The following ABCC5 variants were observed in gnomAD, a reference collection of about 807,000 sequenced individuals.
ABCC5 encodes the protein ATP-binding cassette sub-family C member 5.
In ABCC5, 61 loss-of-function variants were observed where a neutral mutation model predicts 160.9. That is an observed-to-expected ratio of 0.38 (90% CI 0.31 to 0.47). ABCC5 has a LOEUF of 0.47. Among genes scored for constraint, ABCC5 ranks in the 20% least tolerant of loss-of-function variants. ABCC5 has a pLI of 0.99. For synonymous variants in ABCC5, 666 were observed against 700.6 expected (o/e 0.95, Z 0.78); for missense variants, 1,308 against 1,813.3 (o/e 0.72, Z 5.06).
At chr3:183,926,579 G>A (rs563028354) in intron 28 of ABCC5, among the ~76,000 whole-genome samples, 2 of 151,994 alleles carry the variant, frequency 1.3e-5, no homozygotes, top group Admixed American at 6.5e-5. Flanking sequence ...ACAAAACCAC[G>A]GATTTAATCA....
At chr3:183,989,541 G>C (rs1427609675) in intron 2 of ABCC5, among the ~76,000 whole-genome samples, 158 bp from the exon 3 acceptor site, 1 of 151,572 alleles carries the variant, frequency 6.6e-6, no homozygotes, top group Non-Finnish European at 1.5e-5. Context: ...TGTATGATTT[G>C]AACCCATTGG....
chr3:183,967,117 C>T (rs915783097), intron 12 of ABCC5, among the ~76,000 whole-genome samples: 2 of 151,820 alleles, frequency 1.3e-5, no homozygotes, highest in African/African-American at 2.4e-5. Flanking sequence ...CACTGGCCAC[C>T]GTGTGCTGGG....
rs545167336 is a variant in ABCC5 at position 183,926,142 on chromosome 3, G to GTTTT, written c.4048-427_4048-424dup. On this transcript the variant is annotated intron_variant, in intron 28 of 29. Coordinates refer to ENST00000334444, the MANE Select transcript of ABCC5 (RefSeq NM_005688.4). ...CTTGAGCCACCGTGCCCAGCCTATT[G>GTTTT]TTTTTTTTTTTTTTTTCTAAGAAAG... Among the ~76,000 whole-genome samples the GTTTT allele has an allele frequency of 8.4e-4, 111 of 132,030 alleles. 2 individuals carry two copies. Among genetic ancestry groups the GTTTT allele is most frequent in the East Asian group, 2.9e-3 (13 of 4,426 alleles). 86.6% of individuals were successfully genotyped at this position (132,030 alleles called of 152,430 possible).
intron 2 of ABCC5, among the ~76,000 whole-genome samples, chr3:184,005,647 G>T (rs1202466867): frequency 1.5e-5 from 2 of 135,278 alleles, no homozygotes; most frequent in East Asian, 2.6e-4. Flanking sequence ...ACAGGGAGGG[G>T]GGAGGGATAG....
At chr3:183,980,643 T>C (rs747727896) in intron 8 of ABCC5, among the ~76,000 whole-genome samples, 2 of 152,134 alleles carry the variant, frequency 1.3e-5, no homozygotes, top group African/African-American at 2.4e-5. Flanking sequence ...GATTCCAGAA[T>C]TGGACATCAT....
chr3:184,012,177 T>C (rs1184930264), intron 2 of ABCC5, among the ~76,000 whole-genome samples: 1 of 152,166 alleles, frequency 6.6e-6, no homozygotes, highest in African/African-American at 2.4e-5. Context: ...ATGAAGAATA[T>C]ATAGGATCTC....
At position 183,988,697 on chromosome 3, in the gene ABCC5, A is replaced by T. The variant is rs1719451342; in HGVS notation, c.318T>A (p.Leu106=). The T allele has an allele frequency of 6.2e-7, 1 of 1,614,094 alleles. No individual in the cohort carries two copies. The stretch of plus-strand genomic sequence containing the variant: ...GCCACGAAAAAGTCATACAGGAAAA[A>T]AGCCCAGCATTGTCCACTGGGTGCT... ...KHQHPVDNAG[L]FSCMTFSWLS... Residue 106 remains leucine, a synonymous_variant, in exon 4 of 30, where the codon CTT becomes CTA. Coordinates refer to ENST00000334444, the MANE Select transcript of ABCC5 (RefSeq NM_005688.4). This position sits in a 1 kb window ranked among gnomAD's most constrained non-coding sequence, Gnocchi z 4.4.
intron 20 of ABCC5, among the ~76,000 whole-genome samples, chr3:183,950,349 C>T (rs536888802): frequency 9.2e-5 from 14 of 152,040 alleles, no homozygotes; most frequent in African/African-American, 3.4e-4. Flanking sequence ...TCCCTTCCTG[C>T]CCCACTGCTT....
chr3:183,998,600 G>A (rs145604974), intron 2 of ABCC5, among the ~76,000 whole-genome samples: 45 of 152,186 alleles, frequency 3.0e-4, no homozygotes, highest in African/African-American at 9.6e-4. Context: ...GAGGCACACC[G>A]ATGTTAGGTC....
At chr3:183,977,757 A>ATTTT in intron 9 of ABCC5, 133 bp from the exon 10 acceptor site, 2 of 490,440 alleles carry the variant, frequency 4.1e-6, no homozygotes, top group Admixed American at 3.6e-5. Flanking sequence ...AGTCAATTAC[A>ATTTT]TTTTTTTTTT....
intron 2 of ABCC5, among the ~76,000 whole-genome samples, chr3:184,012,328 G>A (rs1879259): frequency 0.063 from 9,490 of 151,686 alleles, 1,043 homozygotes; most frequent in African/African-American, 0.22. Flanking sequence ...AATTTCACCC[G>A]ACCTATAATC....
chr3:183,948,828 G>A (rs1199888751), intron 22 of ABCC5, among the ~76,000 whole-genome samples: 2 of 152,162 alleles, frequency 1.3e-5, no homozygotes, highest in East Asian at 3.9e-4. Context: ...TCAGCCTCCT[G>A]AGTAGCTGGA....
intron 28 of ABCC5, 39 bp from the exon 29 acceptor site, chr3:183,925,758 T>G: frequency 6.3e-7 from 1 of 1,595,348 alleles, no homozygotes; most frequent in Non-Finnish European, 8.5e-7. Flanking sequence ...TCGATTAAAT[T>G]CCTTTAGCAT....
rs990700532 is a variant in ABCC5 at position 183,949,523 on chromosome 3, C to T, written c.3227+230G>A. The stretch of plus-strand genomic sequence containing the variant: ...CCTCCTGAGTAGCTGTGACTATAGG[C>T]ACGTGATGCCGCATGCGGCCCAAAT... On this transcript the variant is annotated intron_variant, in intron 22 of 29. Coordinates refer to ENST00000334444, the MANE Select transcript of ABCC5 (RefSeq NM_005688.4). The surrounding 1 kb of genome is among the most constrained non-coding windows in gnomAD (Gnocchi z 4.2). 3.3e-5 allele frequency among the ~76,000 whole-genome samples: 5 copies of T among 152,260 alleles called. No individual in the cohort carries two copies. The highest frequency in any genetic ancestry group is 1.2e-4 in the African/African-American group (5 of 41,478).
At chr3:183,994,781 C>A (rs1720112997) in intron 2 of ABCC5, among the ~76,000 whole-genome samples, 1 of 151,610 alleles carries the variant, frequency 6.6e-6, no homozygotes, top group Non-Finnish European at 1.5e-5. Flanking sequence ...TGTTTAACAT[C>A]TATGTGTACT....
chr3:183,937,471 G>C (rs1560474946), intron 26 of ABCC5, among the ~76,000 whole-genome samples: 1 of 152,220 alleles, frequency 6.6e-6, no homozygotes, highest in Admixed American at 6.5e-5. Context: ...CAATGAGGCT[G>C]ATGACAGCAG....
chr3:183,933,780 A>C (rs1713410103), intron 26 of ABCC5, among the ~76,000 whole-genome samples: 1 of 152,078 alleles, frequency 6.6e-6, no homozygotes, highest in African/African-American at 2.4e-5. Flanking sequence ...TGACTTTCTG[A>C]GTTTTGTTGG....
At position 183,982,828 on chromosome 3, in the gene ABCC5, C is replaced by CA; in HGVS notation, c.770dup (p.Met257IlefsTer4). 6.2e-7 allele frequency: 1 copy of CA among 1,614,190 alleles called. No homozygotes were observed. Among genetic ancestry groups the CA allele is most frequent in the Non-Finnish European group, 8.5e-7 (1 of 1,180,026 alleles). ...TTAACTTAAGGATCTTCTTAAATGC[C>CA]ATGGTTAGGATGGCCCCCCGCAAGC... On this transcript the variant is annotated frameshift_variant, in exon 6 of 30. Transcript: ENST00000334444. LOFTEE classifies it high-confidence loss of function. The surrounding 1 kb of genome is among the most constrained non-coding windows in gnomAD (Gnocchi z 5.2).
At chr3:183,960,516 C>T (rs1412172764) in intron 16 of ABCC5, among the ~76,000 whole-genome samples, 2 of 152,176 alleles carry the variant, frequency 1.3e-5, no homozygotes, top group Admixed American at 6.5e-5. Context: ...CTCCCATTCG[C>T]CCTTAGAACT....
Sources: allele counts gnomAD v4.1 joint callset (sites outside exome capture counted in the v4.1 genomes callset), GRCh38; gene constraint gnomAD v4.1.1; non-coding constraint Gnocchi (gnomAD v3.1); transcripts MANE v1.5; gene names NCBI Gene and HGNC (gene_info 2026-07-23, HGNC 2026-07-21).